The following RAB3D variants were observed in gnomAD, a reference collection of about 807,000 sequenced individuals.
RAB3D encodes the protein RAB3D, member RAS oncogene family.
In RAB3D, 17 loss-of-function variants were observed where a neutral mutation model predicts 19.3. The observed-to-expected ratio is 0.88, with a 90% confidence interval of 0.60 to 1.32. The LOEUF (loss-of-function observed/expected upper bound fraction) is 1.32, where lower values mean the gene tolerates loss of function less well. RAB3D is among the 40% of genes most tolerant of loss of function. The pLI is 0.00. For missense variants in RAB3D, 223 were observed against 299.1 expected, an observed-to-expected ratio of 0.75 and a Z score of 1.88; for synonymous variants, 103 against 119.9, an observed-to-expected ratio of 0.86 and a Z score of 0.92.
intron 4 of RAB3D, among the ~76,000 whole-genome samples, chr19:11,331,719 T>G (rs1362032244): frequency 1.3e-5 from 2 of 151,292 alleles, no homozygotes; most frequent in Non-Finnish European, 2.9e-5. Flanking sequence ...CTCTAACCCC[T>G]GGGCTCAAGC....
intron 4 of RAB3D, among the ~76,000 whole-genome samples, chr19:11,329,639 A>G (rs1165094941): frequency 6.6e-6 from 1 of 151,982 alleles, no homozygotes; most frequent in Non-Finnish European, 1.5e-5. Flanking sequence ...GAAAAGAAAA[A>G]AAAATTGGGA....
rs1164916795 is a variant in RAB3D, at chr19:11,324,785, C to A, written c.*613G>T. 1.3e-5 allele frequency: 2 copies of A among 152,598 alleles called. No homozygotes were observed. The highest frequency in any genetic ancestry group is 1.3e-4 in the Admixed American group (2 of 15,248). The allele number at this position is 152,598 out of a possible 1,614,324, so 9.5% of individuals were successfully genotyped here. A position where few individuals can be genotyped will look rare whatever the true frequency, so the allele number is the denominator to read the frequency against. On this transcript the variant is annotated 3_prime_UTR_variant, in exon 5 of 5. Transcript: ENST00000222120. ...GTTGAGGGGATCTGACTCCCTGTCC[C>A]TTCTACAATGGGAAAAGGCTGCTTC...
Position 11,324,775 on chromosome 19 carries a change from C to T in RAB3D, c.*623G>A, listed in dbSNP as rs909502816. 3.3e-5 allele frequency: 5 copies of T among 152,616 alleles called. No homozygotes were observed. The highest frequency in any genetic ancestry group is 1.2e-4 in the African/African-American group (5 of 41,402). 9.5% of individuals were successfully genotyped at this position (152,616 alleles called of 1,614,324 possible). ...AAGCCGGGGGGTTGAGGGGATCTGA[C>T]TCCCTGTCCCTTCTACAATGGGAAA... On this transcript the variant is annotated 3_prime_UTR_variant, in exon 5 of 5. Coordinates refer to ENST00000222120, the MANE Select transcript of RAB3D (RefSeq NM_004283.4).
At chr19:11,336,752 C>T (rs908450091) in intron 2 of RAB3D, among the ~76,000 whole-genome samples, 4 of 151,756 alleles carry the variant, frequency 2.6e-5, no homozygotes, top group African/African-American at 4.8e-5. Flanking sequence ...GGGCGGATCA[C>T]GAGGTCAGGA....
Position 11,335,495 on chromosome 19 carries a change from C to A in RAB3D, c.424G>T (p.Glu142Ter), listed in dbSNP as rs146192787. The A allele has an allele frequency of 6.2e-7, 1 of 1,614,194 alleles. No individual in the cohort carries two copies. Among genetic ancestry groups the A allele is most frequent in the Non-Finnish European group, 8.5e-7 (1 of 1,180,038 alleles). The change falls in exon 4 of 5, where the codon GAA (glutamate) becomes TAA (stop). Residue 142 changes from glutamate (E) to a stop codon, truncating the protein, a stop_gained. Transcript: ENST00000222120. LOFTEE classifies it high-confidence loss of function. ...LVGNKCDLED[E>*]RVVPAEDGRR... ...CCATCCTCAGCAGGCACAACACGTT[C>A]GTCCTCCAGGTCACACTTGTTCCCC...
At chr19:11,325,712 T>C (rs2080808770) in intron 4 of RAB3D, 127 bp from the exon 5 acceptor site, 1 of 830,618 alleles carries the variant, frequency 1.2e-6, no homozygotes, top group African/African-American at 1.7e-5. Flanking sequence ...CTTGGTTGTG[T>C]GCCTTTGCCA....
rs376861791 is a variant in RAB3D at position 11,335,757 on chromosome 19, G to A, written c.255C>T (p.Arg85=). Residue 85 remains arginine, a synonymous_variant, in exon 3 of 5, where the codon CGC becomes CGT. Coordinates refer to ENST00000222120, the MANE Select transcript of RAB3D (RefSeq NM_004283.4). ...CCCGGTAGTAGGCCGTGGTGATGGT[G>A]CGGTAGCGCTCCTGGCCCGCTGTGT... ...IWDTAGQERY[R]TITTAYYRGA... The A allele has an allele frequency of 2.2e-5, 36 of 1,614,108 alleles. No homozygotes were observed. In the African/African-American group the frequency reaches 3.3e-4, roughly 15 times the overall value.
At chr19:11,329,177 C>T (rs911080740) in intron 4 of RAB3D, among the ~76,000 whole-genome samples, 6 of 152,082 alleles carry the variant, frequency 3.9e-5, no homozygotes, top group African/African-American at 1.4e-4. Flanking sequence ...CTTGACCTCC[C>T]AAAGTGCAAG....
chr19:11,329,106 G>T (rs534673395), intron 4 of RAB3D, among the ~76,000 whole-genome samples: 1 of 151,682 alleles, frequency 6.6e-6, no homozygotes, highest in African/African-American at 2.4e-5. Context: ...TTTTATAGGG[G>T]TGGGGCTTCA....
chr19:11,332,678 G>A (rs754924424), intron 4 of RAB3D, among the ~76,000 whole-genome samples: 24 of 152,010 alleles, frequency 1.6e-4, no homozygotes, highest in African/African-American at 3.9e-4. Context: ...ACAGGGTCTC[G>A]CTATATTGCC....
intron 3 of RAB3D, 42 bp from the exon 4 acceptor site, chr19:11,335,613 G>A (rs1174468946): frequency 6.2e-7 from 1 of 1,613,596 alleles, no homozygotes; most frequent in Non-Finnish European, 8.5e-7. Flanking sequence ...GGGGGGGTTA[G>A]GGGTCAGAGG....
chr19:11,327,065 C>G (rs1424317129), intron 4 of RAB3D: 8 of 454,276 alleles, frequency 1.8e-5, no homozygotes, highest in Non-Finnish European at 3.1e-5. Flanking sequence ...CCTGTCTTCT[C>G]TGTGCGTCAT....
chr19:11,326,855 C>A, intron 4 of RAB3D: 1 of 635,456 alleles, frequency 1.6e-6, no homozygotes, highest in South Asian at 1.7e-5. Flanking sequence ...AGCGATCCCC[C>A]CGCCTAGGCC....
At chr19:11,332,969 A>G (rs1253299067) in intron 4 of RAB3D, among the ~76,000 whole-genome samples, 2 of 152,178 alleles carry the variant, frequency 1.3e-5, no homozygotes, top group Non-Finnish European at 2.9e-5. Context: ...AAAAGGCTAG[A>G]AATAATCTCC....
intron 4 of RAB3D, among the ~76,000 whole-genome samples, chr19:11,329,443 A>C (rs922584867): frequency 6.6e-6 from 1 of 151,502 alleles, no homozygotes; most frequent in Non-Finnish European, 1.5e-5. Flanking sequence ...CCCCATCTCT[A>C]CTAAAAATAC....
chr19:11,334,943 G>A (rs959084889), intron 4 of RAB3D, among the ~76,000 whole-genome samples: 11 of 151,996 alleles, frequency 7.2e-5, no homozygotes, highest in Admixed American at 6.6e-4. Flanking sequence ...AATAAACCTG[G>A]GAAGCGGAGC....
At chr19:11,331,792 A>G (rs769522496) in intron 4 of RAB3D, among the ~76,000 whole-genome samples, 1 of 151,670 alleles carries the variant, frequency 6.6e-6, no homozygotes, top group Non-Finnish European at 1.5e-5. Context: ...GCCTGGGTGA[A>G]AGAGTGAGGC....
rs764372753 is a variant in RAB3D at position 11,325,213 on chromosome 19, G to A, written c.*185C>T. On this transcript the variant is annotated 3_prime_UTR_variant, in exon 5 of 5. Coordinates refer to ENST00000222120, the MANE Select transcript of RAB3D (RefSeq NM_004283.4). ...TCCCCATGGTCCGCAGCCTCCCACCGGGGCTGCCTGAGGAACCTGGCAGCC... is the reference window on the plus strand; with the variant it reads ...TCCCCATGGTCCGCAGCCTCCCACCAGGGCTGCCTGAGGAACCTGGCAGCC... 7.1e-5 allele frequency: 39 copies of A among 553,184 alleles called. No individual in the cohort carries two copies. Among genetic ancestry groups the A allele is most frequent in the East Asian group, 1.5e-4 (5 of 33,306 alleles). The allele number at this position is 553,184 out of a possible 1,614,324, so 34.3% of individuals were successfully genotyped here.
chr19:11,328,671 G>A (rs547437427), intron 4 of RAB3D, among the ~76,000 whole-genome samples: 45 of 151,850 alleles, frequency 3.0e-4, no homozygotes, highest in African/African-American at 9.4e-4. Flanking sequence ...ATAAATATTA[G>A]CCAGGTGTGG....
Sources: gnomAD v4.1 joint callset for allele counts (sites outside exome capture counted in the v4.1 genomes callset) on GRCh38, gnomAD v4.1.1 for gene constraint, MANE v1.5 for transcripts, NCBI Gene and HGNC (gene_info 2026-07-23, HGNC 2026-07-21) for gene names.